Variants in IL1RAPL2 observed in about 807,000 individuals in gnomAD.
IL1RAPL2 encodes interleukin 1 receptor accessory protein like 2, also known as X-linked interleukin-1 receptor accessory protein-like 2.
A neutral mutation model predicts 44.1 loss-of-function variants in IL1RAPL2; 3 were observed. The ratio of observed to expected loss-of-function variants is 0.07; its 90% CI spans 0.03 to 0.18. The LOEUF (loss-of-function observed/expected upper bound fraction) is 0.18, where lower values mean the gene tolerates loss of function less well. Among genes scored for constraint, IL1RAPL2 ranks in the 10% least tolerant of loss-of-function variants. IL1RAPL2 has a pLI of 1.00. For synonymous variants in IL1RAPL2, 181 were observed against 178.8 expected (o/e 1.01, Z -0.10); for missense variants, 391 against 496.4 (o/e 0.79, Z 2.02).
intron 2 of IL1RAPL2, among the ~76,000 whole-genome samples, chrX:104,874,279 C>CTCTCTCTCTCTCTCTCTCT (rs1922844945): frequency 1.3e-5 from 1 of 76,321 alleles, no homozygotes; most frequent in Non-Finnish European, 2.5e-5. Context: ...TGTCTGTATT[C>CTCTCTCTCTCTCTCTCTCT]CTCTCTCTCT....
chrX:104,856,245 G>T (rs1009044655), intron 2 of IL1RAPL2, among the ~76,000 whole-genome samples: 3 of 112,029 alleles, frequency 2.7e-5, no homozygotes, highest in African/African-American at 9.7e-5. Flanking sequence ...TTATGGAAAA[G>T]TTCTCTAAGG....
intron 2 of IL1RAPL2, among the ~76,000 whole-genome samples, chrX:105,122,957 A>T (rs908588344): frequency 9.0e-6 from 1 of 111,483 alleles, no homozygotes. Context: ...AAAGATAAAT[A>T]TTTATGAGGC....
chrX:105,457,369 A>G (rs2036063566), intron 5 of IL1RAPL2, among the ~76,000 whole-genome samples: 1 of 110,550 alleles, frequency 9.0e-6, no homozygotes, highest in Non-Finnish European at 1.9e-5. Context: ...AACCATCTCC[A>G]ACATGAACTC....
intron 2 of IL1RAPL2, among the ~76,000 whole-genome samples, chrX:104,949,038 C>T (rs1189140133): frequency 1.8e-5 from 2 of 110,113 alleles, no homozygotes; most frequent in African/African-American, 6.6e-5. Flanking sequence ...GCTGTGAATC[C>T]ATCTCGTCCT....
chrX:105,314,316 T>C (rs755434221), intron 5 of IL1RAPL2, among the ~76,000 whole-genome samples: 1 of 110,546 alleles, frequency 9.0e-6, no homozygotes, highest in Non-Finnish European at 1.9e-5. Flanking sequence ...TTGGTGGTAT[T>C]TGGTAGTGAA....
intron 2 of IL1RAPL2, among the ~76,000 whole-genome samples, chrX:104,931,235 T>C (rs914870338): frequency 7.2e-5 from 8 of 110,380 alleles, no homozygotes; most frequent in African/African-American, 2.3e-4. Context: ...AGCACTAAGA[T>C]AGGGTGGAAT....
intron 1 of IL1RAPL2, among the ~76,000 whole-genome samples, chrX:104,627,470 C>A (rs773313257): frequency 1.4e-4 from 13 of 92,744 alleles, no homozygotes; most frequent in South Asian, 9.6e-4. Flanking sequence ...TACCCTAAAA[C>A]TTAAAGTATA....
chrX:104,936,616 A>G (rs1925032646), intron 2 of IL1RAPL2, among the ~76,000 whole-genome samples: 2 of 104,105 alleles, frequency 1.9e-5, no homozygotes, highest in Admixed American at 1.0e-4. Flanking sequence ...TGCATTTACC[A>G]GACTCTTTTT....
intron 5 of IL1RAPL2, among the ~76,000 whole-genome samples, chrX:105,344,661 A>G (rs746171511): frequency 9.0e-6 from 1 of 111,567 alleles, no homozygotes; most frequent in Non-Finnish European, 1.9e-5. Flanking sequence ...TTTACTTAAG[A>G]ATTGAAGTGA....
In IL1RAPL2 at chrX:105,458,302, C is replaced by T. The variant is rs180912307; in HGVS notation, c.698-26011C>T. Among the ~76,000 whole-genome samples the T allele has an allele frequency of 8.7e-4, 97 of 111,353 alleles. 2 individuals are homozygous for T. Among genetic ancestry groups the T allele is most frequent in the Admixed American group, 7.4e-3 (77 of 10,393 alleles). On this transcript the variant is annotated intron_variant, in intron 5 of 10. Transcript: ENST00000372582. ...TTTCTTGATAGTGTTTATTGATGCACGGAAGTTCTTAATTTGTAGTTTTTC... is the reference window on the plus strand; with the variant it reads ...TTTCTTGATAGTGTTTATTGATGCATGGAAGTTCTTAATTTGTAGTTTTTC...
chrX:104,639,865 G>A (rs1021957377), intron 1 of IL1RAPL2, among the ~76,000 whole-genome samples: 3 of 111,617 alleles, frequency 2.7e-5, no homozygotes, highest in Non-Finnish European at 5.7e-5. Flanking sequence ...TCTAATGGGG[G>A]AATTTTCTTA....
intron 6 of IL1RAPL2, among the ~76,000 whole-genome samples, chrX:105,537,390 C>T (rs1416636717): frequency 9.0e-6 from 1 of 111,515 alleles, no homozygotes; most frequent in Non-Finnish European, 1.9e-5. Context: ...GCTTCTGTTT[C>T]AATTAAGGTC....
At chrX:104,885,983 C>T (rs925361810) in intron 2 of IL1RAPL2, among the ~76,000 whole-genome samples, 4 of 112,745 alleles carry the variant, frequency 3.5e-5, no homozygotes, top group Non-Finnish European at 7.5e-5. Flanking sequence ...TCATCACCCT[C>T]ACTGAGGCCT....
intron 2 of IL1RAPL2, among the ~76,000 whole-genome samples, chrX:104,898,007 G>A (rs966163869): frequency 8.9e-6 from 1 of 112,083 alleles, no homozygotes; most frequent in Non-Finnish European, 1.9e-5. Flanking sequence ...TAACTGAGAT[G>A]GCTGATCTTA....
At chrX:105,723,068 C>T (rs766891938) in intron 7 of IL1RAPL2, among the ~76,000 whole-genome samples, 2 of 111,361 alleles carry the variant, frequency 1.8e-5, no homozygotes, top group Non-Finnish European at 3.8e-5. Flanking sequence ...ATCTTTAATT[C>T]ATTTTCTTCT....
At chrX:105,548,058 A>G (rs1569453054) in intron 6 of IL1RAPL2, among the ~76,000 whole-genome samples, 1 of 111,584 alleles carries the variant, frequency 9.0e-6, no homozygotes, top group Non-Finnish European at 1.9e-5. Context: ...ACTTGCATTC[A>G]TTGGTGACAG....
At chrX:104,660,428 A>G (rs917582947) in intron 2 of IL1RAPL2, among the ~76,000 whole-genome samples, 25 of 109,329 alleles carry the variant, frequency 2.3e-4, no homozygotes, top group African/African-American at 7.0e-4. Context: ...CATCTGTATT[A>G]TGGTAGCTTA....
chrX:105,225,688 T>TATTTA, intron 3 of IL1RAPL2, among the ~76,000 whole-genome samples: 1 of 109,148 alleles, frequency 9.2e-6, no homozygotes, highest in South Asian at 3.9e-4. Flanking sequence ...TATTTTATTT[T>TATTTA]ATTTTATTTT....
At chrX:105,680,301 A>C (rs1013408732) in intron 6 of IL1RAPL2, among the ~76,000 whole-genome samples, 4 of 111,824 alleles carry the variant, frequency 3.6e-5, no homozygotes, top group African/African-American at 1.3e-4. Flanking sequence ...ACCTGGCCTG[A>C]ATTTCTTTCT....
Sources: gnomAD v4.1 joint callset for allele counts (sites outside exome capture counted in the v4.1 genomes callset) on GRCh38, gnomAD v4.1.1 for gene constraint, MANE v1.5 for transcripts, NCBI Gene and HGNC (gene_info 2026-07-23, HGNC 2026-07-21) for gene names.